Variants in NRG3 observed in about 807,000 individuals in gnomAD.
NRG3 encodes the protein pro-neuregulin-3, membrane-bound isoform.
Under a neutral mutation model 66.9 loss-of-function variants are expected in NRG3, and 31 were observed. The ratio of observed to expected loss-of-function variants is 0.46; its 90% CI spans 0.35 to 0.63. The LOEUF (loss-of-function observed/expected upper bound fraction) is 0.63. NRG3 is among the 20% of genes least tolerant of loss of function. The probability of loss-of-function intolerance (pLI) is 0.00; values close to 1 mark genes in which losing one functional copy is unlikely to be tolerated. For missense variants in NRG3, 910 were observed against 878.9 expected, an observed-to-expected ratio of 1.04 and a Z score of -0.45; for synonymous variants, 393 against 359.4, an observed-to-expected ratio of 1.09 and a Z score of -1.06.
At chr10:82,805,445 T>A (rs911591928) in intron 3 of NRG3, among the ~76,000 whole-genome samples, 5 of 152,200 alleles carry the variant, frequency 3.3e-5, no homozygotes, top group Middle Eastern at 3.4e-3. Flanking sequence ...TGTGTCTTTC[T>A]TTTATTTATT....
intron 1 of NRG3, among the ~76,000 whole-genome samples, chr10:82,024,659 C>A (rs1172347434): frequency 6.6e-6 from 1 of 151,918 alleles, no homozygotes; most frequent in Non-Finnish European, 1.5e-5. Flanking sequence ...CTGATTCAGT[C>A]CCAGCTAGGA....
At chr10:82,080,229 A>G (rs1017510544) in intron 1 of NRG3, among the ~76,000 whole-genome samples, 4 of 152,120 alleles carry the variant, frequency 2.6e-5, no homozygotes, top group Admixed American at 2.0e-4. Context: ...TTGAGTTTGC[A>G]TCTCCTAGGG....
chr10:82,231,172 G>A (rs557046375), intron 1 of NRG3, among the ~76,000 whole-genome samples: 4 of 152,012 alleles, frequency 2.6e-5, no homozygotes, highest in South Asian at 2.1e-4. Context: ...GTGAAACCCC[G>A]TCTCTACTAA....
At chr10:82,681,608 T>C (rs1439271853) in intron 2 of NRG3, among the ~76,000 whole-genome samples, 1 of 152,202 alleles carries the variant, frequency 6.6e-6, no homozygotes, top group Non-Finnish European at 1.5e-5. Context: ...AATAAATCAA[T>C]ACATTGACAA....
chr10:82,829,762 A>G (rs1240593688), intron 3 of NRG3, among the ~76,000 whole-genome samples: 4 of 152,174 alleles, frequency 2.6e-5, no homozygotes, highest in African/African-American at 9.7e-5. Flanking sequence ...ATTACAACTA[A>G]CAGAGACTAT....
intron 3 of NRG3, among the ~76,000 whole-genome samples, chr10:82,855,504 C>A (rs2063760210): frequency 6.6e-6 from 1 of 152,044 alleles, no homozygotes; most frequent in Admixed American, 6.6e-5. Flanking sequence ...CTCAAGCCAT[C>A]CTCCCACCTC....
rs559822669 is a variant in NRG3, at chr10:81,979,975, G to C, written c.823+103812G>C. Among the ~76,000 whole-genome samples, 5 of 152,254 alleles carry C rather than the reference G, an allele frequency of 3.3e-5. No individual in the cohort carries two copies. The East Asian group carries it at 9.6e-4, about 29-fold the overall frequency. ...AGACCACAGGTAAACATAGGCCAAA[G>C]GGTTAACCAACCAGCCCTTACTAAA... On this transcript the variant is annotated intron_variant, in intron 1 of 8. Transcript: ENST00000372141.
At chr10:82,080,497 CCCT>C (rs1037065822) in intron 1 of NRG3, among the ~76,000 whole-genome samples, 1 of 152,116 alleles carries the variant, frequency 6.6e-6, no homozygotes, top group Non-Finnish European at 1.5e-5. Context: ...AGAGCCAAGA[CCCT>C]TCTGCAGCTG....
chr10:82,101,925 A>G (rs531587541), intron 1 of NRG3, among the ~76,000 whole-genome samples: 3 of 150,096 alleles, frequency 2.0e-5, no homozygotes, highest in Non-Finnish European at 4.5e-5. Flanking sequence ...ATCTTAAAGA[A>G]TAATTTGGGA....
chr10:82,332,956 G>A (rs1250434481), intron 1 of NRG3, among the ~76,000 whole-genome samples: 3 of 152,122 alleles, frequency 2.0e-5, no homozygotes, highest in Non-Finnish European at 2.9e-5. Context: ...AAAAAAGAAT[G>A]TTTTTCTACT....
intron 2 of NRG3, among the ~76,000 whole-genome samples, chr10:82,562,341 G>A (rs1437932533): frequency 6.6e-6 from 1 of 152,160 alleles, no homozygotes; most frequent in East Asian, 1.9e-4. Context: ...AGCTGATTGA[G>A]AGAACTCACT....
intron 2 of NRG3, among the ~76,000 whole-genome samples, chr10:82,719,424 C>G (rs777397189): frequency 2.6e-5 from 4 of 152,224 alleles, no homozygotes; most frequent in Admixed American, 2.0e-4. Context: ...GCCAGCTGAT[C>G]TGTAAACCTG....
At chr10:82,511,744 TTGTTCTGCCC>T (rs1312652215) in intron 2 of NRG3, among the ~76,000 whole-genome samples, 1 of 152,158 alleles carries the variant, frequency 6.6e-6, no homozygotes, top group Non-Finnish European at 1.5e-5. Flanking sequence ...TTGGATGTCC[TTGTTCTGCCC>T]TGTAGTGAAC....
At chr10:81,979,566 G>T (rs78753480) in intron 1 of NRG3, among the ~76,000 whole-genome samples, 5,869 of 152,104 alleles carry the variant, frequency 0.039, 143 homozygotes, top group Non-Finnish European at 0.055. Context: ...TTAGATTGTT[G>T]GTTTTTATTT....
intron 2 of NRG3, among the ~76,000 whole-genome samples, chr10:82,600,690 G>A (rs376861760): frequency 4.6e-5 from 7 of 152,078 alleles, no homozygotes; most frequent in Non-Finnish European, 7.4e-5. Flanking sequence ...GGCTGGTCTC[G>A]AACTCCTGAC....
At chr10:82,211,773 G>A (rs1764885306) in intron 1 of NRG3, among the ~76,000 whole-genome samples, 1 of 152,060 alleles carries the variant, frequency 6.6e-6, no homozygotes, top group African/African-American at 2.4e-5. Flanking sequence ...CCACATGAGA[G>A]GGCATGGTAT....
intron 1 of NRG3, among the ~76,000 whole-genome samples, chr10:82,182,734 T>C (rs974392620): frequency 6.6e-6 from 1 of 151,972 alleles, no homozygotes; most frequent in Non-Finnish European, 1.5e-5. Flanking sequence ...GAACTTTATA[T>C]TTTATATGTT....
At chr10:82,773,533 A>G (rs1011734458) in intron 3 of NRG3, among the ~76,000 whole-genome samples, 5 of 152,106 alleles carry the variant, frequency 3.3e-5, no homozygotes, top group Middle Eastern at 3.4e-3. Context: ...ACATTTGTAG[A>G]TTGCCTTTTC....
At chr10:82,385,892 T>C (rs113388264) in intron 2 of NRG3, among the ~76,000 whole-genome samples, 3,996 of 152,294 alleles carry the variant, frequency 0.026, 85 homozygotes, top group Non-Finnish European at 0.039. Flanking sequence ...CTGCTTTTCA[T>C]GTTGTCTTAA....
Sources: gnomAD v4.1 joint callset for allele counts (sites outside exome capture counted in the v4.1 genomes callset) on GRCh38, gnomAD v4.1.1 for gene constraint, MANE v1.5 for transcripts, NCBI Gene and HGNC (gene_info 2026-07-23, HGNC 2026-07-21) for gene names.